CNTNAP2: variants seen among roughly 807,000 people sequenced by gnomAD.
The protein encoded by CNTNAP2 is contactin associated protein 2, also known as contactin-associated protein-like 2.
In CNTNAP2, 98 loss-of-function variants were observed where a neutral mutation model predicts 155.2. The ratio of observed to expected loss-of-function variants is 0.63; its 90% CI spans 0.54 to 0.75. CNTNAP2 has a LOEUF of 0.75. CNTNAP2 is among the 30% of genes least tolerant of loss of function. The pLI is 0.00. For missense variants in CNTNAP2, 1,727 were observed against 1,688.1 expected (o/e 1.02, Z -0.40); for synonymous variants, 651 against 631.2 (o/e 1.03, Z -0.47).
At chr7:148,309,094 TAATGGGA>T in intron 21 of CNTNAP2, among the ~76,000 whole-genome samples, 1 of 152,336 alleles carries the variant, frequency 6.6e-6, no homozygotes, top group Middle Eastern at 3.4e-3. Flanking sequence ...ATATAGCCAG[TAATGGGA>T]TTGCTGGGTC....
chr7:146,700,739 T>C (rs1169811327), intron 1 of CNTNAP2, among the ~76,000 whole-genome samples: 1 of 152,174 alleles, frequency 6.6e-6, no homozygotes, highest in African/African-American at 2.4e-5. Context: ...TCATTGTTTA[T>C]TTCAAAATGT....
intron 21 of CNTNAP2, among the ~76,000 whole-genome samples, chr7:148,370,371 AAG>A (rs1044440822): frequency 2.0e-5 from 3 of 152,190 alleles, no homozygotes; most frequent in Admixed American, 1.3e-4. Context: ...TCCACGCAGA[AAG>A]AGAGTCAGGG....
At chr7:146,718,561 T>C (rs1355817495) in intron 1 of CNTNAP2, among the ~76,000 whole-genome samples, 1 of 152,182 alleles carries the variant, frequency 6.6e-6, no homozygotes, top group Non-Finnish European at 1.5e-5. Context: ...TAAAGAGCAA[T>C]GAAATGATTA....
At chr7:147,522,787 CAA>C (rs746780496) in intron 11 of CNTNAP2, among the ~76,000 whole-genome samples, 1 of 106,234 alleles carries the variant, frequency 9.4e-6, no homozygotes. Flanking sequence ...AACAAAAAAA[CAA>C]AAAAAAAAAA....
At chr7:146,474,994 C>T (rs909081455) in intron 1 of CNTNAP2, among the ~76,000 whole-genome samples, 11 of 126,502 alleles carry the variant, frequency 8.7e-5, no homozygotes, top group African/African-American at 3.5e-4. Flanking sequence ...TGAGCACGAG[C>T]GCGCACGCGC....
At chr7:146,389,954 G>A (rs1213533145) in intron 1 of CNTNAP2, among the ~76,000 whole-genome samples, 1 of 151,824 alleles carries the variant, frequency 6.6e-6, no homozygotes. Flanking sequence ...TCCCACCTTG[G>A]CCTCCCAAAG....
At chr7:146,435,883 C>A (rs1796236354) in intron 1 of CNTNAP2, among the ~76,000 whole-genome samples, 1 of 152,096 alleles carries the variant, frequency 6.6e-6, no homozygotes. Flanking sequence ...CAGTAGATTG[C>A]TTTGGTCAAA....
intron 1 of CNTNAP2, among the ~76,000 whole-genome samples, chr7:146,131,042 C>T (rs1797706103): frequency 6.6e-6 from 1 of 152,206 alleles, no homozygotes; most frequent in Non-Finnish European, 1.5e-5. Context: ...CAAACCATAT[C>T]AATCGCTGAC....
chr7:146,294,536 A>T (rs546589729), intron 1 of CNTNAP2, among the ~76,000 whole-genome samples: 1 of 152,338 alleles, frequency 6.6e-6, no homozygotes, highest in East Asian at 1.9e-4. Context: ...TGATTAATGT[A>T]CTTGTCAGTG....
At chr7:147,226,350 A>C (rs1272919489) in intron 8 of CNTNAP2, among the ~76,000 whole-genome samples, 1 of 152,144 alleles carries the variant, frequency 6.6e-6, no homozygotes, top group African/African-American at 2.4e-5. Flanking sequence ...CTTCTTCCTA[A>C]TTAGTCCTCA....
intron 1 of CNTNAP2, among the ~76,000 whole-genome samples, chr7:146,523,263 T>C (rs188590611): frequency 2.6e-4 from 39 of 152,230 alleles, no homozygotes; most frequent in African/African-American, 9.1e-4. Context: ...TTATATATCA[T>C]CAGTAAAATT....
At chr7:146,967,854 G>A (rs1305262346) in intron 3 of CNTNAP2, among the ~76,000 whole-genome samples, 1 of 151,980 alleles carries the variant, frequency 6.6e-6, no homozygotes, top group Admixed American at 6.6e-5. Flanking sequence ...ATGTTGAATA[G>A]GAGTGGTGAG....
chr7:148,030,409 G>C (rs1465031092), intron 15 of CNTNAP2, among the ~76,000 whole-genome samples: 1 of 152,176 alleles, frequency 6.6e-6, no homozygotes, highest in Non-Finnish European at 1.5e-5. Context: ...AAAATATGGA[G>C]TTAAAGAAAA....
At position 147,381,561 on chromosome 7, in the gene CNTNAP2, G is replaced by T. The variant is rs184275876; in HGVS notation, c.1499-14048G>T. On this transcript the variant is annotated intron_variant, in intron 9 of 23. Transcript: ENST00000361727. Reference sequence around the variant, plus strand: ...CAATACACAACTAGGTCATGAAAAAGACTATGTAAAAAATATATGAAAGTG... The same window carrying T: ...CAATACACAACTAGGTCATGAAAAATACTATGTAAAAAATATATGAAAGTG... Among the ~76,000 whole-genome samples the T allele has an allele frequency of 9.9e-5, 15 of 152,162 alleles. No individual in the cohort carries two copies. In the South Asian group the frequency reaches 3.1e-3, roughly 32 times the overall value.
rs1209189969 is a variant in CNTNAP2, at chr7:148,409,424, G to T, written c.3749G>T (p.Gly1250Val). 1 of 1,613,814 alleles carries T rather than the reference G, an allele frequency of 6.2e-7. No homozygotes were observed. Among genetic ancestry groups the T allele is most frequent in the Non-Finnish European group, 8.5e-7 (1 of 1,179,786 alleles). The change falls in exon 23 of 24, where the codon GGC becomes GTC. Residue 1250 changes from glycine (G) to valine (V), a missense_variant. Gly to Val is a moderately radical substitution (Grantham distance 109). Coordinates refer to ENST00000361727, the MANE Select transcript of CNTNAP2 (RefSeq NM_014141.6). ...SADFPYNPGQGQAIRNGVNRN... is the reference protein window; with the variant it reads ...SADFPYNPGQVQAIRNGVNRN... ...GATTTTCCATATAATCCAGGACAAG[G>T]CCAAGCTATAAGAAATGGAGTCAAC...
At chr7:147,071,858 G>C (rs1799898203) in intron 4 of CNTNAP2, among the ~76,000 whole-genome samples, 1 of 152,192 alleles carries the variant, frequency 6.6e-6, no homozygotes, top group Non-Finnish European at 1.5e-5. Context: ...ACTTTTGTTT[G>C]GTCATAATAA....
chr7:146,541,060 T>C (rs558606436), intron 1 of CNTNAP2, among the ~76,000 whole-genome samples: 1 of 152,086 alleles, frequency 6.6e-6, no homozygotes, highest in African/African-American at 2.4e-5. Flanking sequence ...TTAATCCTTT[T>C]AGTCTCATTT....
At chr7:146,236,407 A>G (rs899453225) in intron 1 of CNTNAP2, among the ~76,000 whole-genome samples, 1 of 152,134 alleles carries the variant, frequency 6.6e-6, no homozygotes, top group African/African-American at 2.4e-5. Flanking sequence ...AATAAATAAG[A>G]GTTCTAATTT....
intron 1 of CNTNAP2, among the ~76,000 whole-genome samples, chr7:146,283,832 C>T (rs1800287592): frequency 6.6e-6 from 1 of 152,036 alleles, no homozygotes; most frequent in South Asian, 2.1e-4. Flanking sequence ...GATGGGTTGA[C>T]TACACACCTA....
Sources: allele counts gnomAD v4.1 joint callset (sites outside exome capture counted in the v4.1 genomes callset), GRCh38; gene constraint gnomAD v4.1.1; transcripts MANE v1.5; gene names NCBI Gene and HGNC (gene_info 2026-07-23, HGNC 2026-07-21).